PPP2R5E: variants seen among roughly 807,000 people sequenced by gnomAD.
PPP2R5E encodes serine/threonine-protein phosphatase 2A 56 kDa regulatory subunit epsilon isoform.
In PPP2R5E, 4 loss-of-function variants were observed where a neutral mutation model predicts 65.3. The ratio of observed to expected loss-of-function variants is 0.06; its 90% CI spans 0.03 to 0.14. The LOEUF is 0.14. PPP2R5E is among the 10% of genes least tolerant of loss of function. The probability of loss-of-function intolerance (pLI) is 1.00; values close to 1 mark genes in which losing one functional copy is unlikely to be tolerated. For missense variants in PPP2R5E, 274 were observed against 556.1 expected, an observed-to-expected ratio of 0.49 and a Z score of 5.10; for synonymous variants, 183 against 187.4, an observed-to-expected ratio of 0.98 and a Z score of 0.19.
chr14:63,400,183 C>T (rs765027171), intron 5 of PPP2R5E, among the ~76,000 whole-genome samples: 1 of 152,114 alleles, frequency 6.6e-6, no homozygotes, highest in Non-Finnish European at 1.5e-5. Flanking sequence ...AAAAGCCAGC[C>T]AGTGGGCGAG....
chr14:63,436,057 C>T (rs138117219), intron 3 of PPP2R5E, among the ~76,000 whole-genome samples: 362 of 152,304 alleles, frequency 2.4e-3, no homozygotes, highest in Non-Finnish European at 3.4e-3. Flanking sequence ...CAAGCACTCC[C>T]GCCCCACACA....
chr14:63,430,371 AT>A (rs1423754293), intron 3 of PPP2R5E, among the ~76,000 whole-genome samples: 6 of 115,038 alleles, frequency 5.2e-5, no homozygotes, highest in African/African-American at 1.8e-4. Flanking sequence ...ACATACATAC[AT>A]GCATGCATAC....
At chr14:63,424,679 AGG>A (rs1286800943) in intron 3 of PPP2R5E, among the ~76,000 whole-genome samples, 3 of 148,852 alleles carry the variant, frequency 2.0e-5, no homozygotes, top group Non-Finnish European at 4.5e-5. Context: ...TGAACCCGGG[AGG>A]CGGAGCTTGC....
At chr14:63,440,675 A>G (rs1405538083) in intron 3 of PPP2R5E, among the ~76,000 whole-genome samples, 1 of 151,692 alleles carries the variant, frequency 6.6e-6, no homozygotes, top group Non-Finnish European at 1.5e-5. Context: ...GCAGTGGCTC[A>G]CGCCCGTAAT....
chr14:63,434,696 C>G (rs1887867426), intron 3 of PPP2R5E, among the ~76,000 whole-genome samples: 1 of 152,210 alleles, frequency 6.6e-6, no homozygotes, highest in Non-Finnish European at 1.5e-5. Flanking sequence ...ATTTCACTCT[C>G]ATTGGACTCC....
chr14:63,408,435 T>C (rs1211567684), intron 5 of PPP2R5E, among the ~76,000 whole-genome samples: 3 of 152,326 alleles, frequency 2.0e-5, no homozygotes, highest in East Asian at 1.9e-4. Flanking sequence ...CATCTTCTTA[T>C]GGGTTTTATG....
chr14:63,380,706 A>G (rs1454488346), intron 13 of PPP2R5E, among the ~76,000 whole-genome samples: 1 of 151,884 alleles, frequency 6.6e-6, no homozygotes, highest in Non-Finnish European at 1.5e-5. Context: ...AGTATGGAAT[A>G]ACATATCCCA....
At chr14:63,457,460 C>T (rs1322906403) in intron 2 of PPP2R5E, among the ~76,000 whole-genome samples, 1 of 152,144 alleles carries the variant, frequency 6.6e-6, no homozygotes, top group Non-Finnish European at 1.5e-5. Flanking sequence ...CTACCCACCT[C>T]CAAAATCCAA....
intron 1 of PPP2R5E, among the ~76,000 whole-genome samples, chr14:63,540,630 G>A (rs1398135069): frequency 6.6e-6 from 1 of 151,254 alleles, no homozygotes; most frequent in African/African-American, 2.4e-5. Context: ...GGCTGAGGCA[G>A]GAGAATCACT....
At chr14:63,530,447 G>A (rs977566691) in intron 2 of PPP2R5E, among the ~76,000 whole-genome samples, 8 of 151,546 alleles carry the variant, frequency 5.3e-5, no homozygotes, top group Non-Finnish European at 8.8e-5. Flanking sequence ...TGGCCAGGCT[G>A]GTCTCAAACT....
intron 3 of PPP2R5E, among the ~76,000 whole-genome samples, chr14:63,442,583 GAC>G (rs1888289225): frequency 6.6e-6 from 1 of 152,120 alleles, no homozygotes; most frequent in South Asian, 2.1e-4. Context: ...CAGAGAGAGA[GAC>G]ACAGAGAGAG....
intron 11 of PPP2R5E, 115 bp downstream of exon 11, chr14:63,389,497 G>T: frequency 8.2e-7 from 1 of 1,213,738 alleles, no homozygotes; most frequent in Non-Finnish European, 1.1e-6. Flanking sequence ...ATCATCATGT[G>T]AGGGGATAGC....
rs895434987 is a variant in PPP2R5E at position 63,379,433 on chromosome 14, G to A, written c.1304+2623C>T. 1.9e-4 allele frequency among the ~76,000 whole-genome samples: 29 copies of A among 152,180 alleles called. 1 individual carries two copies. In the South Asian group the frequency reaches 3.9e-3, roughly 21 times the overall value. On this transcript the variant is annotated intron_variant, in intron 13 of 13. Coordinates refer to ENST00000337537, the MANE Select transcript of PPP2R5E (RefSeq NM_006246.5). ...ATTACAGGCATGTGCCTCCACGCCC[G>A]GCTAATTTTGTATTTTTTAGTAGAG...
intron 2 of PPP2R5E, among the ~76,000 whole-genome samples, chr14:63,456,220 G>C (rs1378062475): frequency 6.6e-6 from 1 of 152,096 alleles, no homozygotes; most frequent in Admixed American, 6.6e-5. Context: ...ACTTATAAAA[G>C]CATCGATGAA....
Position 63,453,964 on chromosome 14 carries a change from A to C in PPP2R5E, c.158-79T>G. On this transcript the variant is annotated intron_variant, in intron 2 of 13. Coordinates refer to ENST00000337537, the MANE Select transcript of PPP2R5E (RefSeq NM_006246.5). ...GAATTCTCTGTGAAAGTTACTTCAAAGGCAAGCTAAAAAAAAATAAGAATT... is the reference window on the plus strand; with the variant it reads ...GAATTCTCTGTGAAAGTTACTTCAACGGCAAGCTAAAAAAAAATAAGAATT... 3.5e-6 allele frequency: 4 copies of C among 1,134,276 alleles called. No individual in the cohort carries two copies. In the East Asian group the frequency reaches 8.0e-5, roughly 23 times the overall value. 70.3% of individuals were successfully genotyped at this position (1,134,276 alleles called of 1,614,324 possible).
At chr14:63,426,641 A>G (rs1887349417) in intron 3 of PPP2R5E, among the ~76,000 whole-genome samples, 1 of 150,508 alleles carries the variant, frequency 6.6e-6, no homozygotes, top group South Asian at 2.1e-4. Context: ...TTTATATAAG[A>G]CTACTGCTGT....
At chr14:63,476,980 T>C (rs2139579543) in intron 2 of PPP2R5E, among the ~76,000 whole-genome samples, 1 of 152,212 alleles carries the variant, frequency 6.6e-6, no homozygotes, top group South Asian at 2.1e-4. Flanking sequence ...ACACAAAATA[T>C]GAATCCAATA....
At chr14:63,438,918 G>A (rs141020443) in intron 3 of PPP2R5E, among the ~76,000 whole-genome samples, 10 of 152,056 alleles carry the variant, frequency 6.6e-5, no homozygotes, top group Non-Finnish European at 1.3e-4. Context: ...GATGAACTTA[G>A]GGCAGTATAT....
intron 7 of PPP2R5E, 122 bp from the exon 8 acceptor site, chr14:63,394,050 C>A: frequency 2.0e-6 from 1 of 509,530 alleles, no homozygotes; most frequent in Non-Finnish European, 3.5e-6. Flanking sequence ...AATACCCACC[C>A]CAGTGGCATT....
Sources: allele counts gnomAD v4.1 joint callset (sites outside exome capture counted in the v4.1 genomes callset), GRCh38; gene constraint gnomAD v4.1.1; transcripts MANE v1.5; gene names NCBI Gene and HGNC (gene_info 2026-07-23, HGNC 2026-07-21).